The following ZNF341 variants were observed in gnomAD, a reference collection of about 807,000 sequenced individuals.
ZNF341 encodes the protein zinc finger protein 341.
A neutral mutation model predicts 87.7 loss-of-function variants in ZNF341; 52 were observed. The observed-to-expected ratio is 0.59, with a 90% CI of 0.47 to 0.75. The LOEUF (loss-of-function observed/expected upper bound fraction) is 0.75. ZNF341 is among the 30% of genes least tolerant of loss of function. The pLI is 0.00. For synonymous variants in ZNF341, 459 were observed against 472.7 expected (o/e 0.97, Z 0.38); for missense variants, 977 against 1,145.9 (o/e 0.85, Z 2.13).
intron 13 of ZNF341, 91 bp from the exon 14 acceptor site, chr20:33,789,427 G>A (rs1489292549): frequency 4.4e-6 from 6 of 1,355,856 alleles, no homozygotes; most frequent in Non-Finnish European, 6.3e-6. Context: ...GGGTGGACAA[G>A]GCTGTCCCTT....
At chr20:33,789,695 C>A in intron 14 of ZNF341, 107 bp downstream of exon 14, 1 of 1,250,792 alleles carries the variant, frequency 8.0e-7, no homozygotes, top group Non-Finnish European at 1.2e-6. Flanking sequence ...GCTTGTTTTC[C>A]CTGCCTGGCA....
rs1275908861 is a variant in ZNF341, at chr20:33,745,379, T to C, written c.339+80T>C. On this transcript the variant is annotated intron_variant, in intron 3 of 14. Coordinates refer to ENST00000375200, the MANE Select transcript of ZNF341 (RefSeq NM_001282933.2). ...GGCACTGTGCTGGGCACTGGGGCTA[T>C]AGCAATGGATAAGACAGACCAAGTC... 9.4e-6 allele frequency: 13 copies of C among 1,385,060 alleles called. No homozygotes were observed. In the Admixed American group the frequency reaches 2.1e-4, roughly 23 times the overall value. The allele number at this position is 1,385,060 out of a possible 1,614,324, so 85.8% of individuals were successfully genotyped here.
intron 13 of ZNF341, among the ~76,000 whole-genome samples, 183 bp downstream of exon 13, chr20:33,789,157 C>T (rs1229894155): frequency 6.6e-6 from 1 of 151,660 alleles, no homozygotes; most frequent in African/African-American, 2.4e-5. Flanking sequence ...CTCACTGCAA[C>T]CTCTGCCTTC....
At chr20:33,780,042 T>C (rs1296447448) in intron 10 of ZNF341, among the ~76,000 whole-genome samples, 3 of 151,622 alleles carry the variant, frequency 2.0e-5, no homozygotes, top group African/African-American at 7.3e-5. Context: ...TAAAACTGAG[T>C]GATGTAATAG....
At chr20:33,758,104 G>A (rs1012005439) in intron 6 of ZNF341, among the ~76,000 whole-genome samples, 3 of 152,090 alleles carry the variant, frequency 2.0e-5, no homozygotes, top group Non-Finnish European at 4.4e-5. Context: ...CTAGTCTCTT[G>A]GTCTATGATT....
At chr20:33,788,809 C>T (rs781500348) in intron 12 of ZNF341, 54 bp from the exon 13 acceptor site, 6 of 1,519,972 alleles carry the variant, frequency 3.9e-6, no homozygotes, top group South Asian at 1.1e-5. Flanking sequence ...ACCCTTGTGC[C>T]CTGGATGCCG....
intron 4 of ZNF341, among the ~76,000 whole-genome samples, chr20:33,749,620 C>CG (rs1332795495): frequency 6.6e-6 from 1 of 151,562 alleles, no homozygotes; most frequent in Non-Finnish European, 1.5e-5. Flanking sequence ...TTAATGGAGA[C>CG]GGGGTTTCAC....
At chr20:33,753,462 T>G in intron 5 of ZNF341, 39 bp downstream of exon 5, 2 of 1,526,978 alleles carry the variant, frequency 1.3e-6, no homozygotes, top group East Asian at 2.3e-5. Flanking sequence ...ACACTGGTCA[T>G]GGACATCATG....
intron 4 of ZNF341, among the ~76,000 whole-genome samples, chr20:33,750,447 A>G (rs769595948): frequency 2.0e-5 from 3 of 151,832 alleles, no homozygotes; most frequent in African/African-American, 4.8e-5. Context: ...CGTGTCCTTT[A>G]TGAAATGCTG....
intron 11 of ZNF341, among the ~76,000 whole-genome samples, chr20:33,782,211 T>C (rs2019761190): frequency 6.6e-6 from 1 of 152,228 alleles, no homozygotes; most frequent in African/African-American, 2.4e-5. Flanking sequence ...CAAAGCTTCA[T>C]CATTTTGTAA....
intron 10 of ZNF341, among the ~76,000 whole-genome samples, chr20:33,771,308 T>C (rs2019528207): frequency 6.6e-6 from 1 of 152,082 alleles, no homozygotes; most frequent in South Asian, 2.1e-4. Flanking sequence ...TGGAGTCCAG[T>C]GGCACCATCA....
intron 11 of ZNF341, among the ~76,000 whole-genome samples, chr20:33,781,756 G>T (rs2019752049): frequency 6.6e-6 from 1 of 150,830 alleles, no homozygotes; most frequent in South Asian, 2.1e-4. Context: ...AGTGTGCAGT[G>T]GTTTGATCAT....
Position 33,767,038 on chromosome 20 carries a change from G to T in ZNF341, c.1410G>T (p.Glu470Asp). ...LKSHMTQHKN[E>D]QVYKCVVKSC... ...CTCACATGACCCAGCATAAGAATGA[G>T]CAGGTAGGTGGATGGTGGCAGCAGG... Residue 470 changes from glutamate to aspartate, a missense_variant, in exon 9 of 15, where the codon GAG becomes GAT. Glu to Asp is a conservative substitution (Grantham distance 45). Transcript: ENST00000375200. 2 of 1,611,300 alleles carry T rather than the reference G, an allele frequency of 1.2e-6. No individual in the cohort carries two copies. The highest frequency in any genetic ancestry group is 1.7e-6 in the Non-Finnish European group (2 of 1,178,322).
rs1190132993 is a variant in ZNF341 at position 33,789,561 on chromosome 20, C to T, written c.2008C>T (p.Leu670=). 3.1e-6 allele frequency: 5 copies of T among 1,614,094 alleles called. No homozygotes were observed. The highest frequency in any genetic ancestry group is 4.2e-6 in the Non-Finnish European group (5 of 1,180,016). ...CSKEFNRPDK[L]KAHILSHSGM... ...TAAGGAGTTCAACCGGCCGGACAAGCTGAAGGCCCACATCCTCTCCCACTC... is the reference window on the plus strand; with the variant it reads ...TAAGGAGTTCAACCGGCCGGACAAGTTGAAGGCCCACATCCTCTCCCACTC... Residue 670 remains leucine, a synonymous_variant, in exon 14 of 15, where the codon CTG becomes TTG. Coordinates refer to ENST00000375200, the MANE Select transcript of ZNF341 (RefSeq NM_001282933.2).
intron 10 of ZNF341, among the ~76,000 whole-genome samples, chr20:33,771,642 A>G (rs192361522): frequency 2.0e-5 from 3 of 152,114 alleles, no homozygotes; most frequent in Admixed American, 6.5e-5. Context: ...TCAGTCTTCC[A>G]TTGTGGTCAT....
At chr20:33,783,610 C>A (rs758095450) in intron 11 of ZNF341, 122 bp from the exon 12 acceptor site, 236 of 1,400,250 alleles carry the variant, frequency 1.7e-4, no homozygotes, top group Non-Finnish European at 2.1e-4. Flanking sequence ...GGTCCTGGCC[C>A]CTGATAGCCA....
At chr20:33,744,944 T>G (rs553826761) in intron 2 of ZNF341, among the ~76,000 whole-genome samples, 159 bp from the exon 3 acceptor site, 5 of 152,308 alleles carry the variant, frequency 3.3e-5, no homozygotes, top group African/African-American at 1.2e-4. Flanking sequence ...GGCTGACACC[T>G]GCATGTCAAG....
chr20:33,789,628 C>CTCTA (rs748799624), intron 14 of ZNF341, 40 bp downstream of exon 14: 9 of 1,603,048 alleles, frequency 5.6e-6, no homozygotes, highest in Non-Finnish European at 3.4e-6. Flanking sequence ...TCTGGTTCAG[C>CTCTA]TCTAGTTCAC....
At chr20:33,772,797 G>A (rs2019557805) in intron 10 of ZNF341, among the ~76,000 whole-genome samples, 1 of 152,162 alleles carries the variant, frequency 6.6e-6, no homozygotes. Flanking sequence ...GCCAAGGCAT[G>A]AAGGGCCACG....
Sources: allele counts gnomAD v4.1 joint callset (sites outside exome capture counted in the v4.1 genomes callset), GRCh38; gene constraint gnomAD v4.1.1; transcripts MANE v1.5; gene names NCBI Gene and HGNC (gene_info 2026-07-23, HGNC 2026-07-21).